COLGALT2: variants seen among roughly 807,000 people sequenced by gnomAD.
The protein encoded by COLGALT2 is procollagen galactosyltransferase 2.
In COLGALT2, 49 loss-of-function variants were observed where a neutral mutation model predicts 73.4. The observed-to-expected ratio is 0.67, with a 90% CI of 0.53 to 0.85. COLGALT2 has a LOEUF of 0.85. Among genes scored for constraint, COLGALT2 ranks in the 40% least tolerant of loss-of-function variants. The pLI is 0.00. For missense variants in COLGALT2, 722 were observed against 790.2 expected, an observed-to-expected ratio of 0.91 and a Z score of 1.03; for synonymous variants, 295 against 307.6, an observed-to-expected ratio of 0.96 and a Z score of 0.43.
At position 183,935,983 on chromosome 1, in the gene COLGALT2, T is replaced by C; in HGVS notation, c.*2778A>G. On this transcript the variant is annotated 3_prime_UTR_variant, in exon 12 of 12. Transcript: ENST00000361927. Reference sequence around the variant, plus strand: ...GTTCTCAGAGCTCCTGCAGCAGGCCTGAATGAACCGCAAGCGGGGCCCATG... The same window carrying C: ...GTTCTCAGAGCTCCTGCAGCAGGCCCGAATGAACCGCAAGCGGGGCCCATG... The C allele has an allele frequency of 1.0e-6, 1 of 983,298 alleles. No homozygotes were observed. The highest frequency in any genetic ancestry group is 1.2e-6 in the Non-Finnish European group (1 of 829,140). The allele number at this position is 983,298 out of a possible 1,614,324, so 60.9% of individuals were successfully genotyped here. A position where few individuals can be genotyped will look rare whatever the true frequency, so the allele number is the denominator to read the frequency against.
chr1:183,933,319 G>A (rs541755750), downstream of COLGALT2, among the ~76,000 whole-genome samples: 3 of 152,126 alleles, frequency 2.0e-5, no homozygotes, highest in East Asian at 1.9e-4. Flanking sequence ...ACTTTGCTCC[G>A]TGTGTGGTGC....
chr1:184,009,879 C>A (rs1178700777), intron 1 of COLGALT2, among the ~76,000 whole-genome samples: 1 of 152,212 alleles, frequency 6.6e-6, no homozygotes, highest in Admixed American at 6.5e-5. Context: ...CATCACAGAT[C>A]TCATGCCAAG....
At chr1:184,007,627 C>T (rs1245623606) in intron 1 of COLGALT2, among the ~76,000 whole-genome samples, 1 of 152,090 alleles carries the variant, frequency 6.6e-6, no homozygotes, top group Non-Finnish European at 1.5e-5. Flanking sequence ...ATGTTCCTTC[C>T]TCCTTAGAGA....
intron 1 of COLGALT2, among the ~76,000 whole-genome samples, chr1:184,029,800 G>A (rs886860226): frequency 6.6e-6 from 1 of 152,196 alleles, no homozygotes; most frequent in Non-Finnish European, 1.5e-5. Context: ...GTACCTGCCT[G>A]GAACAGGTGT....
At chr1:184,032,384 A>G (rs1276121763) in intron 1 of COLGALT2, among the ~76,000 whole-genome samples, 2 of 152,242 alleles carry the variant, frequency 1.3e-5, no homozygotes, top group African/African-American at 2.4e-5. Flanking sequence ...GACACTGTGC[A>G]TACCTTATAT....
rs532337042 is a variant in COLGALT2 at position 183,973,563 on chromosome 1, G to C, written c.627+53C>G. On this transcript the variant is annotated intron_variant, in intron 4 of 11. Coordinates refer to ENST00000361927, the MANE Select transcript of COLGALT2 (RefSeq NM_015101.4). ...AGGTGAATGGGACTACTGTTGACCG[G>C]GTGTTGCCTTGTTAAAACTAGTAGC... The C allele has an allele frequency of 1.2e-4, 185 of 1,607,196 alleles. 1 individual carries two copies. The highest frequency in any genetic ancestry group is 9.9e-4 in the Middle Eastern group (6 of 6,040).
rs1254885351 is a variant in COLGALT2, at chr1:183,969,391, G to A, written c.710C>T (p.Ser237Phe). 1 of 1,613,820 alleles carries A rather than the reference G, an allele frequency of 6.2e-7. No individual in the cohort carries two copies. The highest frequency in any genetic ancestry group is 1.1e-5 in the South Asian group (1 of 91,044). Residue 237 changes from serine (S) to phenylalanine (F), a missense_variant, in exon 5 of 12, where the codon TCC (serine) becomes TTC (phenylalanine). Ser to Phe is a radical substitution (Grantham distance 155). Transcript: ENST00000361927. Reference sequence around the variant, plus strand: ...CTTCCTGAGGTCAATTAGGAAGGTGGAGTGGACCATGGGGACGGGGAAGCA... The same window carrying A: ...CTTCCTGAGGTCAATTAGGAAGGTGAAGTGGACCATGGGGACGGGGAAGCA... The part of the protein sequence containing the change: ...TGCFPVPMVH[S>F]TFLIDLRKEA...
intron 2 of COLGALT2, among the ~76,000 whole-genome samples, chr1:183,976,649 G>T (rs114760054): frequency 0.014 from 2,109 of 152,104 alleles, 44 homozygotes; most frequent in African/African-American, 0.049. Flanking sequence ...TTTAGTGCCT[G>T]CCAAGAACAT....
chr1:183,992,822 C>A (rs1303950268), intron 1 of COLGALT2, among the ~76,000 whole-genome samples: 2 of 152,166 alleles, frequency 1.3e-5, no homozygotes, highest in Admixed American at 1.3e-4. Context: ...TGGGTAAAAT[C>A]CCCCAGTTAT....
At chr1:184,035,474 T>C (rs916075533) in intron 1 of COLGALT2, among the ~76,000 whole-genome samples, 1 of 152,256 alleles carries the variant, frequency 6.6e-6, no homozygotes, top group Non-Finnish European at 1.5e-5. Context: ...TTATTAATTC[T>C]GTCACTTTAA....
At chr1:183,989,940 A>G (rs1288228979) in intron 1 of COLGALT2, among the ~76,000 whole-genome samples, 1 of 152,174 alleles carries the variant, frequency 6.6e-6, no homozygotes, top group African/African-American at 2.4e-5. Context: ...GGCTGTCCCC[A>G]ACACACACAC....
chr1:184,036,050 C>T (rs549437306), intron 1 of COLGALT2, among the ~76,000 whole-genome samples: 7 of 152,294 alleles, frequency 4.6e-5, no homozygotes, highest in African/African-American at 1.7e-4. Context: ...GAGAACAGCT[C>T]CCTTTATCAA....
At chr1:183,968,895 C>T (rs969209439) in intron 5 of COLGALT2, among the ~76,000 whole-genome samples, 1 of 152,154 alleles carries the variant, frequency 6.6e-6, no homozygotes, top group Non-Finnish European at 1.5e-5. Flanking sequence ...TTTTTAAAGT[C>T]TGGGGTCTTT....
chr1:183,991,341 A>G (rs1262466262), intron 1 of COLGALT2, among the ~76,000 whole-genome samples: 1 of 152,214 alleles, frequency 6.6e-6, no homozygotes, highest in Non-Finnish European at 1.5e-5. Flanking sequence ...CATATAAATC[A>G]TTTTGATTTT....
chr1:184,005,236 A>G (rs1414139412), intron 1 of COLGALT2, among the ~76,000 whole-genome samples: 1 of 152,180 alleles, frequency 6.6e-6, no homozygotes, highest in Non-Finnish European at 1.5e-5. Context: ...ATGGATGCAG[A>G]CCTGTTAAAA....
At chr1:184,006,354 G>C (rs552214707) in intron 1 of COLGALT2, among the ~76,000 whole-genome samples, 13 of 152,186 alleles carry the variant, frequency 8.5e-5, no homozygotes, top group Non-Finnish European at 1.5e-5. Context: ...GGAGGCCGAG[G>C]TGGGCGGATC....
Position 183,940,480 on chromosome 1 carries a change from G to T in COLGALT2, c.1604+101C>A, listed in dbSNP as rs1447165286. The T allele has an allele frequency of 7.7e-6, 8 of 1,032,350 alleles. No homozygotes were observed. In the Admixed American group the frequency reaches 1.1e-4, roughly 14 times the overall value. The allele number at this position is 1,032,350 out of a possible 1,614,324, so 63.9% of individuals were successfully genotyped here. A position where few individuals can be genotyped will look rare whatever the true frequency, so the allele number is the denominator to read the frequency against. On this transcript the variant is annotated intron_variant, in intron 11 of 11. Transcript: ENST00000361927. ...AATTATGAGAAGATCATTTAGGAAA[G>T]CAGTACAACTTTAGAAAATATCAAG...
chr1:183,964,961 G>A (rs547151680), intron 5 of COLGALT2, among the ~76,000 whole-genome samples: 52 of 152,332 alleles, frequency 3.4e-4, no homozygotes, highest in South Asian at 2.9e-3. Flanking sequence ...TATCTGCATA[G>A]GGACTCCTCT....
In COLGALT2 at chr1:184,037,081, C is replaced by G; in HGVS notation, c.263+14G>C. 2 of 1,545,998 alleles carry G rather than the reference C, an allele frequency of 1.3e-6. No homozygotes were observed. The highest frequency in any genetic ancestry group is 1.7e-6 in the Non-Finnish European group (2 of 1,152,716). ...GCGTCCCGCCGCGGCGGCCCGGGGCCCGTGCGCGCTCACCAGATGGCCATC... is the reference window on the plus strand; with the variant it reads ...GCGTCCCGCCGCGGCGGCCCGGGGCGCGTGCGCGCTCACCAGATGGCCATC... On this transcript the variant is annotated intron_variant, in intron 1 of 11. Coordinates refer to ENST00000361927, the MANE Select transcript of COLGALT2 (RefSeq NM_015101.4).
Sources: allele counts gnomAD v4.1 joint callset (sites outside exome capture counted in the v4.1 genomes callset), GRCh38; gene constraint gnomAD v4.1.1; transcripts MANE v1.5; gene names NCBI Gene and HGNC (gene_info 2026-07-23, HGNC 2026-07-21).